Variants in CLEC12A observed in about 807,000 individuals in gnomAD.
CLEC12A encodes the protein C-type lectin protein CLL-1.
A neutral mutation model predicts 26.5 loss-of-function variants in CLEC12A; 22 were observed. The observed-to-expected ratio is 0.83, with a 90% CI of 0.59 to 1.19. CLEC12A has a LOEUF of 1.19. CLEC12A is among the 50% of genes most tolerant of loss of function. The pLI is 0.00. For synonymous variants in CLEC12A, 119 were observed against 101.9 expected (o/e 1.17, Z -1.01); for missense variants, 353 against 315.6 (o/e 1.12, Z -0.90).
At chr12:9,973,727 T>G (rs188034126) in intron 1 of CLEC12A, among the ~76,000 whole-genome samples, 1 of 152,170 alleles carries the variant, frequency 6.6e-6, no homozygotes. Context: ...ACGATAAGTA[T>G]GTACTTATGA....
chr12:9,997,768 C>T (rs1865088089), downstream of CLEC12A, among the ~76,000 whole-genome samples: 2 of 152,024 alleles, frequency 1.3e-5, no homozygotes, highest in Non-Finnish European at 2.9e-5. Flanking sequence ...TCAACAAATA[C>T]ACAAACAAGC....
intron 1 of CLEC12A, among the ~76,000 whole-genome samples, chr12:9,972,278 A>G (rs554127491): frequency 2.0e-5 from 3 of 152,208 alleles, no homozygotes; most frequent in Non-Finnish European, 4.4e-5. Context: ...ATCAGAAGAC[A>G]TAATATATTC....
chr12:10,006,142 T>G, the CLEC12A span, among the ~76,000 whole-genome samples: 1 of 152,224 alleles, frequency 6.6e-6, no homozygotes, highest in African/African-American at 2.4e-5. Context: ...CAGCAAGAAT[T>G]GTCAAAGGTG....
At chr12:9,971,834 T>C (rs1864139832) in intron 1 of CLEC12A, 147 bp downstream of exon 1, 1 of 585,124 alleles carries the variant, frequency 1.7e-6, no homozygotes, top group Non-Finnish European at 2.7e-6. Context: ...AAAAAGTGTA[T>C]GAACAAAATG....
intron 1 of CLEC12A, among the ~76,000 whole-genome samples, chr12:9,963,031 A>C (rs1863864815): frequency 6.6e-6 from 1 of 152,160 alleles, no homozygotes; most frequent in African/African-American, 2.4e-5. Flanking sequence ...ATTTCATGCT[A>C]AGGGGTGATA....
chr12:9,966,424 G>C (rs1023135196), upstream of CLEC12A, among the ~76,000 whole-genome samples: 2 of 152,176 alleles, frequency 1.3e-5, no homozygotes, highest in Non-Finnish European at 2.9e-5. Context: ...CGGTGAGATG[G>C]ACAGTCTGAT....
At chr12:9,961,957 C>CA (rs2137106920) in intron 1 of CLEC12A, among the ~76,000 whole-genome samples, 1 of 152,202 alleles carries the variant, frequency 6.6e-6, no homozygotes, top group African/African-American at 2.4e-5. Flanking sequence ...GAAGAATAGG[C>CA]AAAAGATTTA....
intron 4 of CLEC12A, chr12:9,993,469 A>T (rs986120670): frequency 3.0e-5 from 18 of 604,366 alleles, no homozygotes; most frequent in Admixed American, 5.9e-5. Flanking sequence ...CAAGATATGC[A>T]TATTTAAAAA....
chr12:9,953,652 G>GC (rs571808157), intron 1 of CLEC12A, among the ~76,000 whole-genome samples: 1 of 145,274 alleles, frequency 6.9e-6, no homozygotes, highest in African/African-American at 2.7e-5. Context: ...CTGCCCGGCC[G>GC]CCCCTACTGG....
chr12:9,995,157 C>A (rs745586944), exon 5 of CLEC12A: 39 of 1,612,614 alleles, frequency 2.4e-5, no homozygotes, highest in Non-Finnish European at 3.1e-5. Flanking sequence ...CTGAGATAAC[C>A]GAGCCATCCT....
downstream of CLEC12A, chr12:9,998,396 A>G (rs779006495): frequency 6.3e-7 from 1 of 1,594,524 alleles, no homozygotes; most frequent in South Asian, 1.1e-5. Flanking sequence ...GGCATATAAT[A>G]AAGACATCAA....
downstream of CLEC12A, chr12:9,997,137 G>A: frequency 2.5e-6 from 4 of 1,613,478 alleles, no homozygotes; most frequent in East Asian, 2.2e-5. Flanking sequence ...GAGAGATGAA[G>A]AGGTTAAAAA....
chr12:10,005,950 C>T, the CLEC12A span, among the ~76,000 whole-genome samples: 1 of 151,840 alleles, frequency 6.6e-6, no homozygotes, highest in East Asian at 1.9e-4. Context: ...TAAAAGTGTC[C>T]TCTGAAATAG....
At chr12:9,963,063 C>T (rs1863865920) in intron 1 of CLEC12A, among the ~76,000 whole-genome samples, 1 of 152,078 alleles carries the variant, frequency 6.6e-6, no homozygotes, top group South Asian at 2.1e-4. Flanking sequence ...CTAGAAGAAA[C>T]ATTTGTCATT....
chr12:9,972,470 G>A (rs1864167916), intron 1 of CLEC12A, among the ~76,000 whole-genome samples: 1 of 152,052 alleles, frequency 6.6e-6, no homozygotes, highest in Non-Finnish European at 1.5e-5. Context: ...AGCCTTTTGG[G>A]AGTGAAATCT....
downstream of CLEC12A, among the ~76,000 whole-genome samples, chr12:9,997,537 C>T (rs181441498): frequency 2.6e-5 from 4 of 152,174 alleles, no homozygotes; most frequent in African/African-American, 4.8e-5. Flanking sequence ...ACATCGATAA[C>T]ATCCCCAGAG....
At chr12:9,963,247 T>G (rs1210592910) in intron 1 of CLEC12A, among the ~76,000 whole-genome samples, 2 of 152,132 alleles carry the variant, frequency 1.3e-5, no homozygotes, top group Non-Finnish European at 2.9e-5. Context: ...GGCAAGTTTT[T>G]GGGCTCTATC....
At chr12:9,970,219 T>C (rs1591820850), upstream of CLEC12A, among the ~76,000 whole-genome samples, 2 of 30,452 alleles carry the variant, frequency 6.6e-5, no homozygotes, top group African/African-American at 1.2e-4. Context: ...TGTTTTTCTA[T>C]TTTTTTCTTT....
intron 1 of CLEC12A, among the ~76,000 whole-genome samples, chr12:9,955,177 C>A (rs1293025585): frequency 6.6e-6 from 1 of 152,134 alleles, no homozygotes; most frequent in Non-Finnish European, 1.5e-5. Flanking sequence ...AGCTCTGCCT[C>A]CCGGGTTCAC....
Sources: allele counts gnomAD v4.1 joint callset (sites outside exome capture counted in the v4.1 genomes callset), GRCh38; gene constraint gnomAD v4.1.1; transcripts MANE v1.5; gene names NCBI Gene and HGNC (gene_info 2026-07-23, HGNC 2026-07-21).